RBKS: variants seen among roughly 807,000 people sequenced by gnomAD.
RBKS encodes ribokinase.
Under a neutral mutation model 33.9 loss-of-function variants are expected in RBKS, and 33 were observed. The observed-to-expected ratio is 0.97, with a 90% CI of 0.74 to 1.30. The LOEUF is 1.30. Ranked by LOEUF, RBKS falls within the 50% of genes most tolerant of loss-of-function variation. RBKS has a pLI of 0.00. For synonymous variants in RBKS, 125 were observed against 143.0 expected (o/e 0.87, Z 0.90); for missense variants, 361 against 392.6 (o/e 0.92, Z 0.68).
chr2:27,857,462 C>T (rs527840863), intron 2 of RBKS, among the ~76,000 whole-genome samples: 145 of 152,290 alleles, frequency 9.5e-4, no homozygotes, highest in African/African-American at 3.4e-3. Context: ...TATCATATCT[C>T]TACATACATG....
At chr2:27,854,232 TA>T (rs1198426013) in intron 2 of RBKS, among the ~76,000 whole-genome samples, 1 of 152,226 alleles carries the variant, frequency 6.6e-6, no homozygotes, top group African/African-American at 2.4e-5. Flanking sequence ...TCAACGGTTG[TA>T]AAGTTATTCT....
At chr2:27,877,803 T>C (rs951701607) in intron 1 of RBKS, among the ~76,000 whole-genome samples, 2 of 152,344 alleles carry the variant, frequency 1.3e-5, no homozygotes, top group East Asian at 3.9e-4. Flanking sequence ...TTTTCCTCTT[T>C]TTGATTCCCA....
chr2:27,791,649 ATACAT>A (rs1677526998), intron 7 of RBKS, among the ~76,000 whole-genome samples: 3 of 52,536 alleles, frequency 5.7e-5, no homozygotes, highest in Admixed American at 5.4e-4. Context: ...CACACTAAAT[ATACAT>A]ATACATATAC....
intron 7 of RBKS, among the ~76,000 whole-genome samples, chr2:27,818,627 T>G (rs1167939606): frequency 6.6e-6 from 1 of 152,188 alleles, no homozygotes; most frequent in Non-Finnish European, 1.5e-5. Context: ...TCCTGCAGGT[T>G]GTTCTGAGAA....
In RBKS at chr2:27,827,732, C is replaced by T. The variant is rs369642165; in HGVS notation, c.630G>A (p.Thr210=). The change falls in exon 7 of 8, where the codon ACG becomes ACA. Residue 210 remains threonine (T), a synonymous_variant. Coordinates refer to ENST00000302188, the MANE Select transcript of RBKS (RefSeq NM_022128.3). ...ESEAEILTGL[T]VGSAADAGEA... ...CCCCAGCATCTGCAGCGCTGCCCAC[C>T]GTGAGGCCAGTTAAAATCTCAGCCT... 68 of 1,602,744 alleles carry T rather than the reference C, an allele frequency of 4.2e-5. 2 individuals are homozygous for T. In the South Asian group the frequency reaches 4.9e-4, roughly 12 times the overall value.
intron 7 of RBKS, among the ~76,000 whole-genome samples, chr2:27,805,002 G>T (rs1245473181): frequency 6.6e-6 from 1 of 150,644 alleles, no homozygotes; most frequent in African/African-American, 2.4e-5. Flanking sequence ...GTGACAGTGA[G>T]ACCTTGTCTT....
intron 7 of RBKS, among the ~76,000 whole-genome samples, chr2:27,807,738 T>G (rs1240267026): frequency 6.6e-6 from 1 of 152,152 alleles, no homozygotes; most frequent in Non-Finnish European, 1.5e-5. Flanking sequence ...CTTCATACCC[T>G]GAGTTTTTGG....
In RBKS at chr2:27,822,863, G is replaced by A. The variant is rs558029907; in HGVS notation, c.795+4704C>T. ...TTACAGAGTGAGTGATTCTTGAGAA[G>A]ACAGATTTAGCCTACGGACTAAATT... On this transcript the variant is annotated intron_variant, in intron 7 of 7. Transcript: ENST00000302188. Among the ~76,000 whole-genome samples the A allele has an allele frequency of 3.9e-5, 6 of 152,334 alleles. No individual in the cohort carries two copies. The East Asian group carries it at 1.2e-3, about 29-fold the overall frequency.
intron 1 of RBKS, among the ~76,000 whole-genome samples, chr2:27,871,607 G>A (rs1426596132): frequency 1.3e-5 from 2 of 152,184 alleles, no homozygotes; most frequent in African/African-American, 4.8e-5. Flanking sequence ...AGACAAGTGT[G>A]CAGTGTGAGA....
At chr2:27,832,118 C>G (rs894294112) in intron 6 of RBKS, among the ~76,000 whole-genome samples, 1 of 149,964 alleles carries the variant, frequency 6.7e-6, no homozygotes. Flanking sequence ...TCTTATTGTA[C>G]CAGTTGATAG....
intron 7 of RBKS, among the ~76,000 whole-genome samples, chr2:27,798,314 C>G (rs573881129): frequency 6.6e-6 from 1 of 152,192 alleles, no homozygotes; most frequent in South Asian, 2.1e-4. Context: ...GCCTGCTTAA[C>G]CTGGCTCATG....
intron 1 of RBKS, chr2:27,861,589 A>G (rs553834813): frequency 6.4e-6 from 3 of 466,652 alleles, no homozygotes; most frequent in Non-Finnish European, 1.3e-5. Context: ...ATTAAACCTA[A>G]CCCTGATGCA....
At chr2:27,790,966 A>T (rs543851407) in intron 7 of RBKS, among the ~76,000 whole-genome samples, 1 of 152,392 alleles carries the variant, frequency 6.6e-6, no homozygotes, top group Non-Finnish European at 1.5e-5. Flanking sequence ...AAAGACCTAC[A>T]TGTGAATGTT....
In RBKS at chr2:27,832,745, C is replaced by T. The variant is rs770565016; in HGVS notation, c.547G>A (p.Ala183Thr). The T allele has an allele frequency of 1.2e-6, 2 of 1,613,162 alleles. No individual in the cohort carries two copies. Among genetic ancestry groups the T allele is most frequent in the South Asian group, 1.1e-5 (1 of 91,062 alleles). ...KTLFNPAPAI[A>T]DLDPQFYTLS... ...GTGTAGAACTGGGGATCCAGGTCAG[C>T]AATGGCAGGGGCTGGATTGAACAAG... The change falls in exon 6 of 8, where the codon GCT becomes ACT. Residue 183 changes from alanine (A) to threonine (T), a missense_variant. Coordinates refer to ENST00000302188, the MANE Select transcript of RBKS (RefSeq NM_022128.3).
intron 4 of RBKS, 140 bp downstream of exon 4, chr2:27,846,902 T>A: frequency 1.8e-6 from 1 of 557,586 alleles, no homozygotes; most frequent in Non-Finnish European, 3.3e-6. Flanking sequence ...TATATTTGGA[T>A]TGGAAAAACT....
intron 7 of RBKS, among the ~76,000 whole-genome samples, chr2:27,820,739 A>G (rs1315175134): frequency 6.6e-6 from 1 of 151,940 alleles, no homozygotes; most frequent in Non-Finnish European, 1.5e-5. Flanking sequence ...AAGGGAAAGT[A>G]TATTTTAAAG....
chr2:27,783,375 G>A (rs936704969), intron 7 of RBKS, among the ~76,000 whole-genome samples: 6 of 152,182 alleles, frequency 3.9e-5, no homozygotes, highest in African/African-American at 7.2e-5. Flanking sequence ...CATTAAAAAT[G>A]CACGCAGAAA....
chr2:27,786,998 C>T (rs559534174), intron 7 of RBKS, among the ~76,000 whole-genome samples: 14 of 152,058 alleles, frequency 9.2e-5, no homozygotes, highest in African/African-American at 3.4e-4. Context: ...TTTTTTCTTT[C>T]TTTCTTTTGA....
At chr2:27,870,773 C>T (rs1401386474) in intron 1 of RBKS, 2 of 464,644 alleles carry the variant, frequency 4.3e-6, no homozygotes, top group Non-Finnish European at 8.8e-6. Flanking sequence ...CATATACTCA[C>T]ACAAAATGAC....
Sources: allele counts gnomAD v4.1 joint callset (sites outside exome capture counted in the v4.1 genomes callset), GRCh38; gene constraint gnomAD v4.1.1; transcripts MANE v1.5; gene names NCBI Gene and HGNC (gene_info 2026-07-23, HGNC 2026-07-21).